ADGRL2: variants seen among roughly 807,000 people sequenced by gnomAD.
The protein encoded by ADGRL2 is calcium-independent alpha-latrotoxin receptor 2.
In ADGRL2, 44 loss-of-function variants were observed where a neutral mutation model predicts 157.4. That is an observed-to-expected ratio of 0.28 (90% CI 0.22 to 0.36). The LOEUF is 0.36. Among genes scored for constraint, ADGRL2 ranks in the 10% least tolerant of loss-of-function variants. The pLI is 1.00. For missense variants in ADGRL2, 1,510 were observed against 1,768.9 expected (o/e 0.85, Z 2.63); for synonymous variants, 585 against 624.7 (o/e 0.94, Z 0.95).
In ADGRL2 at chr1:81,981,814, G is replaced by A; in HGVS notation, c.3120G>A (p.Trp1040Ter). 1 of 1,604,740 alleles carries A rather than the reference G, an allele frequency of 6.2e-7. No homozygotes were observed. The highest frequency in any genetic ancestry group is 8.5e-7 in the Non-Finnish European group (1 of 1,176,974). ...GTTCACTTTATTTTTCCAGGTCTTG[G>A]GTGCTTGGCGCTTTCGCTCTTCTGT... ...DSSRLENIKS[W>*]VLGAFALLCL... Residue 1040 changes from tryptophan to a stop codon, truncating the protein, a stop_gained, in exon 19 of 24, where the codon TGG becomes TGA. Transcript: ENST00000686636. LOFTEE classifies it high-confidence loss of function.
At chr1:81,646,822 C>G (rs2082324199) in intron 3 of ADGRL2, among the ~76,000 whole-genome samples, 1 of 152,134 alleles carries the variant, frequency 6.6e-6, no homozygotes, top group Non-Finnish European at 1.5e-5. Context: ...GCCAGCCTCT[C>G]TTGGCCTCAA....
chr1:81,425,269 T>A (rs915491514), intron 1 of ADGRL2, among the ~76,000 whole-genome samples: 1 of 152,220 alleles, frequency 6.6e-6, no homozygotes, highest in Non-Finnish European at 1.5e-5. Flanking sequence ...CCCATGCATG[T>A]GTACACACAC....
intron 2 of ADGRL2, among the ~76,000 whole-genome samples, chr1:81,484,076 A>G (rs11163307): frequency 0.04 from 6,076 of 152,188 alleles, 423 homozygotes; most frequent in African/African-American, 0.14. Flanking sequence ...CCAGATGTAC[A>G]TATACCTTCT....
rs959598559 is a variant in ADGRL2, at chr1:81,901,582, A to AT, written c.74-5424dup. On this transcript the variant is annotated intron_variant, in intron 2 of 23. Transcript: ENST00000686636. ...AAAGGATTAAAACATATATATATATATTTTTTTTTTTGATGATTTCTTCCC... is the reference window on the plus strand; with the variant it reads ...AAAGGATTAAAACATATATATATATATTTTTTTTTTTTGATGATTTCTTCCC... Among the ~76,000 whole-genome samples, 430 of 144,304 alleles carry AT rather than the reference A, an allele frequency of 3.0e-3. 1 individual carries two copies. Among genetic ancestry groups the AT allele is most frequent in the South Asian group, 5.4e-3 (24 of 4,466 alleles). The allele number at this position is 144,304 out of a possible 152,430, so 94.7% of individuals were successfully genotyped here.
Position 81,984,672 on chromosome 1 carries a change from A to C in ADGRL2, c.3372A>C (p.Ser1124=), listed in dbSNP as rs746816226. 10 of 1,613,000 alleles carry C rather than the reference A, an allele frequency of 6.2e-6. No homozygotes were observed. The Admixed American group carries it at 1.5e-4, about 24-fold the overall frequency. The change falls in exon 20 of 24, where the codon TCA becomes TCC. Residue 1124 remains serine, a synonymous_variant. Coordinates refer to ENST00000686636, the MANE Select transcript of ADGRL2 (RefSeq NM_001366006.2). ...GTCCCCACAGTTCAGTGAAGGCATC[A>C]ACCACCAGAACCAGTGCTCGCTATT... ...TESPHSSVKA[S]TTRTSARYSS...
chr1:81,722,966 T>A, intron 1 of ADGRL2: 1 of 771,600 alleles, frequency 1.3e-6, no homozygotes, highest in South Asian at 1.3e-5. Context: ...TATGGTGGCC[T>A]TCCAGGATGT....
intron 1 of ADGRL2, among the ~76,000 whole-genome samples, chr1:81,394,871 T>C (rs935316605): frequency 6.6e-6 from 1 of 150,890 alleles, no homozygotes; most frequent in Admixed American, 6.6e-5. Flanking sequence ...TTATATTTTG[T>C]CTCTCTTTTT....
chr1:81,306,362 G>T (rs190326452), exon 1 of ADGRL2: 1 of 152,090 alleles, frequency 6.6e-6, no homozygotes, highest in Admixed American at 6.6e-5. Context: ...GTTCACAGCC[G>T]CTCCTCCCAT....
intron 1 of ADGRL2, among the ~76,000 whole-genome samples, chr1:81,347,594 A>C (rs12747658): frequency 0.23 from 35,432 of 152,176 alleles, 4,510 homozygotes; most frequent in Middle Eastern, 0.36. Context: ...AGGATGCAGC[A>C]TGGGTCCTCC....
At chr1:81,641,005 A>G (rs1357566819) in intron 3 of ADGRL2, among the ~76,000 whole-genome samples, 3 of 152,218 alleles carry the variant, frequency 2.0e-5, no homozygotes, top group Non-Finnish European at 4.4e-5. Flanking sequence ...GAAAGGATTA[A>G]TATATTCTTT....
At chr1:81,721,589 C>T (rs2084322565) in intron 1 of ADGRL2, 1 of 532,554 alleles carries the variant, frequency 1.9e-6, no homozygotes, top group Admixed American at 3.1e-5. Flanking sequence ...ACCCCAGTTT[C>T]TACCAAAAAA....
intron 1 of ADGRL2, among the ~76,000 whole-genome samples, chr1:81,357,667 C>T (rs1354101420): frequency 1.3e-5 from 2 of 152,012 alleles, no homozygotes; most frequent in Non-Finnish European, 2.9e-5. Flanking sequence ...TTAACACCAC[C>T]ATTTTACAGG....
chr1:81,552,956 C>T (rs977780702), intron 2 of ADGRL2, among the ~76,000 whole-genome samples: 1 of 152,164 alleles, frequency 6.6e-6, no homozygotes, highest in African/African-American at 2.4e-5. Context: ...CAAAGACTTA[C>T]ATTTCAATTG....
intron 1 of ADGRL2, among the ~76,000 whole-genome samples, chr1:81,414,616 C>T (rs1031382401): frequency 6.6e-6 from 1 of 152,140 alleles, no homozygotes; most frequent in Non-Finnish European, 1.5e-5. Context: ...GCGCTCTCCC[C>T]TCTGAGTCCA....
At chr1:81,806,970 GTC>G (rs1277500752) in intron 1 of ADGRL2, among the ~76,000 whole-genome samples, 2 of 151,902 alleles carry the variant, frequency 1.3e-5, no homozygotes, top group Non-Finnish European at 2.9e-5. Context: ...TTTGATGTCT[GTC>G]TGCTTTTCTG....
At chr1:81,893,876 C>A (rs948799479) in intron 2 of ADGRL2, among the ~76,000 whole-genome samples, 2 of 152,012 alleles carry the variant, frequency 1.3e-5, no homozygotes, top group African/African-American at 4.8e-5. Flanking sequence ...TAATAAAAAC[C>A]TTATCATTTC....
intron 3 of ADGRL2, among the ~76,000 whole-genome samples, chr1:81,915,092 AT>A (rs1404119022): frequency 6.6e-6 from 1 of 152,064 alleles, no homozygotes; most frequent in Non-Finnish European, 1.5e-5. Flanking sequence ...GCCCTATAGG[AT>A]CCTTGGTTTC....
At chr1:81,693,353 T>A (rs2083381088) in intron 3 of ADGRL2, among the ~76,000 whole-genome samples, 1 of 152,148 alleles carries the variant, frequency 6.6e-6, no homozygotes, top group Admixed American at 6.6e-5. Flanking sequence ...CTCCCTCCTC[T>A]CCCTCAACCA....
intron 1 of ADGRL2, among the ~76,000 whole-genome samples, chr1:81,402,298 A>C (rs971670581): frequency 3.9e-5 from 6 of 152,168 alleles, no homozygotes; most frequent in Admixed American, 2.6e-4. Context: ...TCTGCCTGCC[A>C]GGCTCCCTAG....
Sources: allele counts gnomAD v4.1 joint callset (sites outside exome capture counted in the v4.1 genomes callset), GRCh38; gene constraint gnomAD v4.1.1; transcripts MANE v1.5; gene names NCBI Gene and HGNC (gene_info 2026-07-23, HGNC 2026-07-21).